The following SRM variants were observed in gnomAD, a reference collection of about 807,000 sequenced individuals.
SRM encodes putrescine aminopropyltransferase.
SRM carries 14 observed loss-of-function variants against 39.3 expected under a neutral mutation model. The observed-to-expected ratio is 0.36, with a 90% CI of 0.24 to 0.56. The LOEUF (loss-of-function observed/expected upper bound fraction) is 0.56, where lower values mean the gene tolerates loss of function less well. Among genes scored for constraint, SRM ranks in the 20% least tolerant of loss-of-function variants. The pLI is 0.86. For synonymous variants in SRM, 195 were observed against 173.1 expected, an observed-to-expected ratio of 1.13 and a Z score of -0.99; for missense variants, 244 against 409.2, an observed-to-expected ratio of 0.60 and a Z score of 3.48.
chr1:11,055,767 C>CA lies in SRM; in HGVS notation c.765+13dup. ...CTTCCCCCCAACCCCCACCCCCAGA[C>CA]ACCCCCATCTCACCGGGTTCTTGCT... On this transcript the variant is annotated intron_variant, in intron 6 of 7. Coordinates refer to ENST00000376957, the MANE Select transcript of SRM (RefSeq NM_003132.3). 9.2e-7 allele frequency: 1 copy of CA among 1,092,444 alleles called. No individual in the cohort carries two copies. Among genetic ancestry groups the CA allele is most frequent in the Non-Finnish European group, 1.3e-6 (1 of 771,304 alleles). 67.7% of individuals were successfully genotyped at this position (1,092,444 alleles called of 1,614,324 possible).
At chr1:11,059,005 C>G (rs138436291) in intron 2 of SRM, 113 bp from the exon 3 acceptor site, 13 of 1,304,474 alleles carry the variant, frequency 1.0e-5, no homozygotes, top group Non-Finnish European at 1.3e-5. Flanking sequence ...TTTCTACCCT[C>G]GGAAACGCTT....
At chr1:11,059,078 G>T (rs743577) in intron 2 of SRM, 147 bp downstream of exon 2, 1 of 1,443,570 alleles carries the variant, frequency 6.9e-7, no homozygotes, top group Non-Finnish European at 9.4e-7. Flanking sequence ...CCGAGGCCGC[G>T]TCAGTGTCGG....
intron 6 of SRM, 49 bp downstream of exon 6, chr1:11,055,732 T>A: frequency 6.5e-7 from 1 of 1,533,540 alleles, no homozygotes; most frequent in Non-Finnish European, 8.8e-7. Flanking sequence ...GGATCTCTAT[T>A]TATGCCCACC....
rs2273341 is a variant in SRM at position 11,056,424 on chromosome 1, C to T, written c.535+180G>A. Among the ~76,000 whole-genome samples, 75 of 152,308 alleles carry T rather than the reference C, an allele frequency of 4.9e-4. No homozygotes were observed. The East Asian group carries it at 0.01, about 20-fold the overall frequency. ...CCAGCTTGTGAATCTGGGCAGTCGCCTGGCTCCTGCCTACTGTCCTGAGCC... is the reference window on the plus strand; with the variant it reads ...CCAGCTTGTGAATCTGGGCAGTCGCTTGGCTCCTGCCTACTGTCCTGAGCC... On this transcript the variant is annotated intron_variant, in intron 4 of 7. Coordinates refer to ENST00000376957, the MANE Select transcript of SRM (RefSeq NM_003132.3).
Position 11,055,856 on chromosome 1 carries a change from C to T in SRM, c.690G>A (p.Val230=). 6.2e-7 allele frequency: 1 copy of T among 1,612,874 alleles called. No individual in the cohort carries two copies. The highest frequency in any genetic ancestry group is 8.5e-7 in the Non-Finnish European group (1 of 1,179,600). Residue 230 remains valine (V), a synonymous_variant, in exon 6 of 8, where the codon GTG becomes GTA. Transcript: ENST00000376957. ...MRQFCQSLFP[V]VAYAYCTIPT... is the part of the protein sequence containing the mutation. ...GGATGGTGCAGTAGGCATAGGCCAC[C>T]ACGGGGAACAGGGACTGGCAGAACT...
At chr1:11,058,298 C>T (rs1415467388) in intron 3 of SRM, among the ~76,000 whole-genome samples, 2 of 152,200 alleles carry the variant, frequency 1.3e-5, no homozygotes, top group East Asian at 1.9e-4. Context: ...TGGTGGCTCA[C>T]GCCTGTAATC....
rs752850589 is a variant in SRM, at chr1:11,058,798, A to AC, written c.381+1dup. ...CAAACCTGGCTCTACGCCGGCACTC[A>AC]CCTCGTCGATCTCACACTGGACCAC... On this transcript the variant is annotated splice_donor_variant, in intron 3 of 7. Transcript: ENST00000376957. LOFTEE classifies it high-confidence loss of function. The AC allele has an allele frequency of 6.2e-7, 1 of 1,605,734 alleles. No individual in the cohort carries two copies. The highest frequency in any genetic ancestry group is 1.7e-5 in the Admixed American group (1 of 59,010).
At chr1:11,056,230 C>A in intron 4 of SRM, 136 bp from the exon 5 acceptor site, 2 of 835,510 alleles carry the variant, frequency 2.4e-6, no homozygotes, top group Non-Finnish European at 3.7e-6. Flanking sequence ...GAATCCCATT[C>A]TTGGGGGAGT....
chr1:11,056,472 A>G, intron 4 of SRM, 132 bp downstream of exon 4: 1 of 1,164,768 alleles, frequency 8.6e-7, no homozygotes, highest in Non-Finnish European at 1.2e-6. Context: ...GCAGGTAACA[A>G]ATGAGAAGGG....
At position 11,054,710 on chromosome 1, in the gene SRM, C is replaced by G; in HGVS notation, c.*155G>C. On this transcript the variant is annotated 3_prime_UTR_variant, in exon 8 of 8. Transcript: ENST00000376957. The surrounding 1 kb of genome is among the most constrained non-coding windows in gnomAD (Gnocchi z 4.8). Reference sequence around the variant, plus strand: ...GAGAGACAGACACACAGACAGTCCGCCCAGCAGGGCAGGCCGGGCAGCATT... The same window carrying G: ...GAGAGACAGACACACAGACAGTCCGGCCAGCAGGGCAGGCCGGGCAGCATT... 1.8e-6 allele frequency: 2 copies of G among 1,115,068 alleles called. No individual in the cohort carries two copies. The highest frequency in any genetic ancestry group is 1.2e-6 in the Non-Finnish European group (1 of 805,130). The allele number at this position is 1,115,068 out of a possible 1,614,324, so 69.1% of individuals were successfully genotyped here.
chr1:11,056,623 A>T lies in SRM; in HGVS notation c.516T>A (p.Thr172=), dbSNP rs766763700. 6.2e-7 allele frequency: 1 copy of T among 1,614,088 alleles called. No individual in the cohort carries two copies. ...GCTTACCCATGGGGTCTGAGGAGTC[A>T]GTGATGATCACGTCGAAGGCATCCT... ...QNQDAFDVII[T]DSSDPMGPAE... is the part of the protein sequence containing the mutation. Residue 172 remains threonine (T), a synonymous_variant, in exon 4 of 8, where the codon ACT becomes ACA. Coordinates refer to ENST00000376957, the MANE Select transcript of SRM (RefSeq NM_003132.3).
chr1:11,055,035 G>A lies in SRM; in HGVS notation c.815C>T (p.Ala272Val), dbSNP rs760693030. 4.3e-6 allele frequency: 7 copies of A among 1,612,462 alleles called. No individual in the cohort carries two copies. Among genetic ancestry groups the A allele is most frequent in the African/African-American group, 1.3e-5 (1 of 74,954 alleles). ...PVQPLTQQQVAQMQLKYYNSD... is the reference protein window; with the variant it reads ...PVQPLTQQQVVQMQLKYYNSD... The stretch of plus-strand genomic sequence containing the variant: ...GTTGTAGTACTTCAGCTGCATCTGC[G>A]CCACCTGCTGCTGTGTCAGCGGCTG... The change falls in exon 7 of 8, where the codon GCG becomes GTG. Residue 272 changes from alanine (A) to valine (V), a missense_variant. Ala to Val is a moderately conservative substitution (Grantham distance 64). Coordinates refer to ENST00000376957, the MANE Select transcript of SRM (RefSeq NM_003132.3).
intron 6 of SRM, 38 bp from the exon 7 acceptor site, chr1:11,055,122 T>C (rs748884157): frequency 2.0e-6 from 1 of 507,896 alleles, no homozygotes; most frequent in South Asian, 4.6e-5. Context: ...GGGGGGCACT[T>C]TTTTTTTTTT....
In SRM at chr1:11,055,731, T is replaced by C. The variant is rs1208604180; in HGVS notation, c.765+50A>G. 4 of 1,532,676 alleles carry C rather than the reference T, an allele frequency of 2.6e-6. No homozygotes were observed. The African/African-American group carries it at 4.1e-5, about 16-fold the overall frequency. 94.9% of individuals were successfully genotyped at this position (1,532,676 alleles called of 1,614,324 possible). On this transcript the variant is annotated intron_variant, in intron 6 of 7. Transcript: ENST00000376957. The stretch of plus-strand genomic sequence containing the variant: ...CGCCCGGCAGGGGCAGGGATCTCTA[T>C]TTATGCCCACCTTCCCCCCAACCCC...
chr1:11,055,749 C>CCCAACCCCACCCCCCCA, intron 6 of SRM, 32 bp downstream of exon 6: 1 of 1,507,934 alleles, frequency 6.6e-7, no homozygotes, highest in Non-Finnish European at 9.0e-7. Flanking sequence ...CACCTTCCCC[C>CCCAACCCCACCCCCCCA]CAACCCCCAC....
Position 11,055,764 on chromosome 1 carries a change from AG to A in SRM, c.765+16del. The A allele has an allele frequency of 1.4e-6, 1 of 697,192 alleles. No homozygotes were observed. Among genetic ancestry groups the A allele is most frequent in the East Asian group, 4.8e-5 (1 of 20,666 alleles). The allele number at this position is 697,192 out of a possible 1,614,324, so 43.2% of individuals were successfully genotyped here. On this transcript the variant is annotated intron_variant, in intron 6 of 7. Transcript: ENST00000376957. ...CACCTTCCCCCCAACCCCCACCCCC[AG>A]ACACCCCCATCTCACCGGGTTCTTG...
At chr1:11,059,532 C>T (rs1199243698) in intron 1 of SRM, 187 bp from the exon 2 acceptor site, 17 of 1,060,818 alleles carry the variant, frequency 1.6e-5, no homozygotes, top group Non-Finnish European at 2.0e-5. Context: ...CCCGGGGTCT[C>T]CTCGGGCTCT....
In SRM at chr1:11,056,048, C is replaced by T. The variant is rs1316929442; in HGVS notation, c.582G>A (p.Lys194=). ...LFKESYYQLM[K]TALKEDGVLC... ...GGACACCATCTTCCTTGAGGGCTGT[C>T]TTCATGAGCTGGTAATAGGACTCCT... Residue 194 remains lysine (K), a synonymous_variant, in exon 5 of 8, where the codon AAG becomes AAA. Coordinates refer to ENST00000376957, the MANE Select transcript of SRM (RefSeq NM_003132.3). 1.2e-6 allele frequency: 2 copies of T among 1,610,158 alleles called. No homozygotes were observed. Among genetic ancestry groups the T allele is most frequent in the Admixed American group, 1.7e-5 (1 of 59,838 alleles).
chr1:11,054,862 G>A lies in SRM; in HGVS notation c.*3C>T. On this transcript the variant is annotated 3_prime_UTR_variant, in exon 8 of 8. Coordinates refer to ENST00000376957, the MANE Select transcript of SRM (RefSeq NM_003132.3). The surrounding 1 kb of genome is among the most constrained non-coding windows in gnomAD (Gnocchi z 4.8). ...TGGGTGGCATCAGTGGTGGCGCCTG[G>A]GCTCAGCTCACATCATTCAGGGCCT... 6.2e-7 allele frequency: 1 copy of A among 1,605,098 alleles called. No individual in the cohort carries two copies. The highest frequency in any genetic ancestry group is 8.5e-7 in the Non-Finnish European group (1 of 1,175,230).
Sources: gnomAD v4.1 joint callset for allele counts (sites outside exome capture counted in the v4.1 genomes callset) on GRCh38, gnomAD v4.1.1 for gene constraint, Gnocchi (gnomAD v3.1) non-coding constraint, MANE v1.5 for transcripts, NCBI Gene and HGNC (gene_info 2026-07-23, HGNC 2026-07-21) for gene names.